The following ARHGEF38 variants were observed in gnomAD, a reference collection of about 807,000 sequenced individuals.
The protein encoded by ARHGEF38 is Rho guanine nucleotide exchange factor 38.
ARHGEF38 carries 79 observed loss-of-function variants against 79.9 expected under a neutral mutation model. The ratio of observed to expected loss-of-function variants is 0.99; its 90% CI spans 0.82 to 1.19. The LOEUF is 1.19. ARHGEF38 is among the 50% of genes most tolerant of loss of function. The pLI, the probability that ARHGEF38 is intolerant of heterozygous loss-of-function variation, is 0.00. For synonymous variants in ARHGEF38, 366 were observed against 328.3 expected (o/e 1.11, Z -1.24); for missense variants, 962 against 907.2 (o/e 1.06, Z -0.78).
At chr4:105,661,213 A>G (rs1170681170) in intron 10 of ARHGEF38, among the ~76,000 whole-genome samples, 1 of 152,034 alleles carries the variant, frequency 6.6e-6, no homozygotes, top group African/African-American at 2.4e-5. Context: ...ACCACACTTT[A>G]CTTATTCATT....
intron 10 of ARHGEF38, among the ~76,000 whole-genome samples, chr4:105,664,186 ACT>A (rs1216973721): frequency 1.3e-5 from 2 of 151,952 alleles, no homozygotes; most frequent in Admixed American, 6.6e-5. Flanking sequence ...TCATATGGTA[ACT>A]CTATCTTTTT....
intron 1 of ARHGEF38, among the ~76,000 whole-genome samples, chr4:105,573,741 T>G (rs975348305): frequency 1.3e-5 from 2 of 151,336 alleles, no homozygotes; most frequent in Non-Finnish European, 2.9e-5. Context: ...AGGATGGGTT[T>G]TTTTTTTTAT....
intron 2 of ARHGEF38, 135 bp downstream of exon 2, chr4:105,589,570 G>A (rs1258175262): frequency 9.1e-6 from 7 of 773,042 alleles, no homozygotes; most frequent in East Asian, 8.2e-5. Flanking sequence ...TCTCAGCTCT[G>A]GGGTTACAGT....
intron 3 of ARHGEF38, among the ~76,000 whole-genome samples, chr4:105,627,225 C>T (rs1202165532): frequency 2.0e-5 from 3 of 152,076 alleles, no homozygotes; most frequent in Non-Finnish European, 2.9e-5. Context: ...ACTGCTTCTT[C>T]CCTTTTATGG....
In ARHGEF38 at chr4:105,678,538, T is replaced by C. The variant is rs1731196952; in HGVS notation, c.*601T>C. ...TCGTTTATATGTTTTGAACTAAAAC[T>C]GAATAACTTGATATTAACATGTAAC... On this transcript the variant is annotated 3_prime_UTR_variant, in exon 14 of 14. Coordinates refer to ENST00000420470, the MANE Select transcript of ARHGEF38 (RefSeq NM_001242729.2). The C allele has an allele frequency of 6.6e-6, 1 of 152,216 alleles. No homozygotes were observed. Among genetic ancestry groups the C allele is most frequent in the Non-Finnish European group, 1.5e-5 (1 of 68,036 alleles). 9.4% of individuals were successfully genotyped at this position (152,216 alleles called of 1,614,324 possible). A position where few individuals can be genotyped will look rare whatever the true frequency, so the allele number is the denominator to read the frequency against.
chr4:105,647,199 T>C (rs1396182194), intron 6 of ARHGEF38, among the ~76,000 whole-genome samples: 1 of 152,176 alleles, frequency 6.6e-6, no homozygotes, highest in East Asian at 1.9e-4. Context: ...CTTCCCACCA[T>C]GATTCCAGTT....
At chr4:105,587,012 C>T (rs1385152937) in intron 1 of ARHGEF38, among the ~76,000 whole-genome samples, 1 of 152,040 alleles carries the variant, frequency 6.6e-6, no homozygotes, top group Non-Finnish European at 1.5e-5. Context: ...GCAGCCTCCT[C>T]ACTGCAGCTC....
In ARHGEF38 at chr4:105,620,106, TTGTC is replaced by T. The variant is rs996783862; in HGVS notation, c.508+6603_508+6606del. On this transcript the variant is annotated intron_variant, in intron 3 of 13. Coordinates refer to ENST00000420470, the MANE Select transcript of ARHGEF38 (RefSeq NM_001242729.2). Reference sequence around the variant, plus strand: ...TGCAGATCTGAGAGCTCTGAGGAAGTTGTCTGTACTGTCATGCCAAGATACAAAG... The same window carrying T: ...TGCAGATCTGAGAGCTCTGAGGAAGTTGTACTGTCATGCCAAGATACAAAG... Among the ~76,000 whole-genome samples the T allele has an allele frequency of 2.0e-5, 3 of 152,300 alleles. 1 individual carries two copies. Among genetic ancestry groups the T allele is most frequent in the Non-Finnish European group, 4.4e-5 (3 of 68,030 alleles).
At chr4:105,638,887 T>A (rs1042028305) in intron 5 of ARHGEF38, among the ~76,000 whole-genome samples, 3 of 152,094 alleles carry the variant, frequency 2.0e-5, no homozygotes, top group Non-Finnish European at 4.4e-5. Context: ...CTTATTGATG[T>A]CATAAGTTTA....
chr4:105,561,539 A>AGAATAGAATAGAATAGAATAGAATG (rs1459477083), intron 1 of ARHGEF38: 4 of 146,396 alleles, frequency 2.7e-5, no homozygotes, highest in Non-Finnish European at 1.5e-5. Flanking sequence ...AGAATAGAAT[A>AGAATAGAATAGAATAGAATAGAATG]GAAAAGTTTC....
At chr4:105,557,860 T>C (rs1021520654) in intron 1 of ARHGEF38, among the ~76,000 whole-genome samples, 1 of 152,222 alleles carries the variant, frequency 6.6e-6, no homozygotes, top group African/African-American at 2.4e-5. Flanking sequence ...TCGATTACCT[T>C]TATCCTCTAT....
At chr4:105,651,151 AT>A (rs1234844778) in intron 7 of ARHGEF38, among the ~76,000 whole-genome samples, 1 of 152,198 alleles carries the variant, frequency 6.6e-6, no homozygotes, top group South Asian at 2.1e-4. Context: ...AACTTCTTAT[AT>A]TTCTCAATTG....
At position 105,557,268 on chromosome 4, in the gene ARHGEF38, A is replaced by G. The variant is rs73837984; in HGVS notation, c.196+4307A>G. Among the ~76,000 whole-genome samples the G allele has an allele frequency of 1.7e-3, 255 of 152,286 alleles. 1 individual carries two copies. Among genetic ancestry groups the G allele is most frequent in the African/African-American group, 4.5e-3 (186 of 41,570 alleles). ...ATCTCCAGTATGTAGATATAGATAT[A>G]CATGTATGTACTTGTATGTGTTCGT... On this transcript the variant is annotated intron_variant, in intron 1 of 13. Coordinates refer to ENST00000420470, the MANE Select transcript of ARHGEF38 (RefSeq NM_001242729.2).
chr4:105,660,533 G>A (rs1027845914), intron 10 of ARHGEF38, among the ~76,000 whole-genome samples: 2 of 151,554 alleles, frequency 1.3e-5, no homozygotes, highest in African/African-American at 4.9e-5. Context: ...TCCACCTTCC[G>A]GGTTCAAGCG....
chr4:105,621,623 C>A (rs982269087), intron 3 of ARHGEF38, among the ~76,000 whole-genome samples: 1 of 152,096 alleles, frequency 6.6e-6, no homozygotes, highest in Non-Finnish European at 1.5e-5. Flanking sequence ...GAAATCTGTG[C>A]CTTTAGCAGT....
chr4:105,631,023 A>T lies in ARHGEF38; in HGVS notation c.634A>T (p.Ser212Cys), dbSNP rs774704317. Reference protein sequence around the residue: ...EKEEELKEHLSHCIQSLKKIY... With the variant: ...EKEEELKEHLCHCIQSLKKIY... ...GGAAGAAGAGCTGAAGGAACATTTGAGCCACTGTATCCAGTCCTTAAAGTA... is the reference window on the plus strand; with the variant it reads ...GGAAGAAGAGCTGAAGGAACATTTGTGCCACTGTATCCAGTCCTTAAAGTA... The change falls in exon 4 of 14, where the codon AGC becomes TGC. Residue 212 changes from serine to cysteine, a missense_variant. By Grantham distance (112) the Ser-to-Cys change is moderately radical. Transcript: ENST00000420470. 14 of 1,613,658 alleles carry T rather than the reference A, an allele frequency of 8.7e-6. No individual in the cohort carries two copies. The highest frequency in any genetic ancestry group is 1.3e-5 in the African/African-American group (1 of 74,932).
chr4:105,642,434 T>G (rs1451129521), intron 5 of ARHGEF38, among the ~76,000 whole-genome samples: 2 of 152,132 alleles, frequency 1.3e-5, no homozygotes, highest in African/African-American at 4.8e-5. Context: ...AAGGGAGAGA[T>G]AGAACTTTAA....
chr4:105,673,706 AGAAAG>A (rs961226631), intron 13 of ARHGEF38, among the ~76,000 whole-genome samples: 1 of 152,194 alleles, frequency 6.6e-6, no homozygotes, highest in African/African-American at 2.4e-5. Context: ...GAAAGAAGGA[AGAAAG>A]GAAGAGAGGA....
At chr4:105,647,331 A>G (rs1729886680) in intron 6 of ARHGEF38, among the ~76,000 whole-genome samples, 1 of 151,918 alleles carries the variant, frequency 6.6e-6, no homozygotes, top group African/African-American at 2.4e-5. Flanking sequence ...ACTTCTTGCA[A>G]CATATATGGT....
Sources: allele counts gnomAD v4.1 joint callset (sites outside exome capture counted in the v4.1 genomes callset), GRCh38; gene constraint gnomAD v4.1.1; transcripts MANE v1.5; gene names NCBI Gene and HGNC (gene_info 2026-07-23, HGNC 2026-07-21).